CCDC62: variants seen among roughly 807,000 people sequenced by gnomAD.
CCDC62 encodes coiled-coil domain-containing protein 62.
Under a neutral mutation model 80.8 loss-of-function variants are expected in CCDC62, and 72 were observed. The ratio of observed to expected loss-of-function variants is 0.89; its 90% CI spans 0.74 to 1.08. The LOEUF (loss-of-function observed/expected upper bound fraction) is 1.08, where lower values mean the gene tolerates loss of function less well. Among genes scored for constraint, CCDC62 ranks in the 50% least tolerant of loss-of-function variants. The pLI, the probability that CCDC62 is intolerant of heterozygous loss-of-function variation, is 0.00. For missense variants in CCDC62, 704 were observed against 809.4 expected, an observed-to-expected ratio of 0.87 and a Z score of 1.58; for synonymous variants, 286 against 296.5, an observed-to-expected ratio of 0.96 and a Z score of 0.36.
At chr12:122,820,015 T>C (rs1392079180) in intron 11 of CCDC62, among the ~76,000 whole-genome samples, 2 of 129,420 alleles carry the variant, frequency 1.5e-5, no homozygotes, top group Admixed American at 1.0e-4. Context: ...TGAGCTGTGA[T>C]TGAGCAACTG....
intron 8 of CCDC62, among the ~76,000 whole-genome samples, chr12:122,800,491 G>A (rs780628566): frequency 1.3e-5 from 2 of 148,242 alleles, no homozygotes; most frequent in Non-Finnish European, 3.0e-5. Context: ...CCAATGGCGC[G>A]ATCTCAGCTC....
At chr12:122,801,090 T>C (rs748782462) in intron 8 of CCDC62, 34 bp from the exon 9 acceptor site, 2 of 1,575,724 alleles carry the variant, frequency 1.3e-6, no homozygotes, top group Admixed American at 3.8e-5. Flanking sequence ...AAGTATATCT[T>C]ATAACCTCCA....
Position 122,813,294 on chromosome 12 carries a change from G to T in CCDC62, c.1876G>T (p.Asp626Tyr), listed in dbSNP as rs2032021407. The T allele has an allele frequency of 6.2e-7, 1 of 1,612,970 alleles. No individual in the cohort carries two copies. Among genetic ancestry groups the T allele is most frequent in the Non-Finnish European group, 8.5e-7 (1 of 1,179,496 alleles). ...EKASIVLPSQ[D>Y]DFSPTSKLQR... ...GGCTTCAATTGTGTTACCCTCCCAG[G>T]ATGATTTCTCGCCCACGAGCAAGCT... Residue 626 changes from aspartate (D) to tyrosine (Y), a missense_variant, in exon 11 of 13, where the codon GAT becomes TAT. Transcript: ENST00000253079.
At chr12:122,812,125 A>C (rs907257799) in intron 10 of CCDC62, among the ~76,000 whole-genome samples, 3 of 152,104 alleles carry the variant, frequency 2.0e-5, no homozygotes, top group Admixed American at 2.0e-4. Flanking sequence ...GTTTAAGTCA[A>C]ATTATTTAAC....
chr12:122,816,405 A>G (rs2032164919), intron 11 of CCDC62, among the ~76,000 whole-genome samples: 1 of 152,166 alleles, frequency 6.6e-6, no homozygotes, highest in Admixed American at 6.6e-5. Context: ...ATTCTTTGGC[A>G]GCTATTTCTT....
At chr12:122,807,549 G>T (rs1348715559) in intron 10 of CCDC62, among the ~76,000 whole-genome samples, 1 of 100,158 alleles carries the variant, frequency 1.0e-5, no homozygotes, top group African/African-American at 3.3e-5. Flanking sequence ...AAAAAAAAAA[G>T]GTAAACATCT....
chr12:122,798,266 C>T, intron 8 of CCDC62, 66 bp downstream of exon 8: 1 of 829,364 alleles, frequency 1.2e-6, no homozygotes, highest in Non-Finnish European at 2.1e-6. Flanking sequence ...ATTTACTGCG[C>T]ACTTACTGTT....
At chr12:122,820,426 C>T (rs1004446220) in intron 11 of CCDC62, among the ~76,000 whole-genome samples, 2 of 152,176 alleles carry the variant, frequency 1.3e-5, no homozygotes, top group South Asian at 2.1e-4. Flanking sequence ...TGGGCCTGGC[C>T]GTCCTGATTG....
chr12:122,800,260 A>G (rs1338678296), intron 8 of CCDC62, among the ~76,000 whole-genome samples: 4 of 139,948 alleles, frequency 2.9e-5, no homozygotes, highest in South Asian at 2.2e-4. Flanking sequence ...TCTAGGAGGT[A>G]CTAGATGAGT....
At position 122,797,298 on chromosome 12, in the gene CCDC62, C is replaced by T; in HGVS notation, c.773-9C>T. 7.3e-7 allele frequency: 1 copy of T among 1,377,776 alleles called. No homozygotes were observed. The highest frequency in any genetic ancestry group is 1.2e-5 in the South Asian group (1 of 85,904). 85.3% of individuals were successfully genotyped at this position (1,377,776 alleles called of 1,614,324 possible). A position where few individuals can be genotyped will look rare whatever the true frequency, so the allele number is the denominator to read the frequency against. Reference sequence around the variant, plus strand: ...ATGAAAAATGTTAATAATACTTGTTCTTAAATAGTAGAGAGAGAAAAGAGG... The same window carrying T: ...ATGAAAAATGTTAATAATACTTGTTTTTAAATAGTAGAGAGAGAAAAGAGG... On this transcript the variant is annotated splice_polypyrimidine_tract_variant and intron_variant, in intron 6 of 12. Transcript: ENST00000253079.
At chr12:122,820,512 C>T (rs1405144185) in intron 11 of CCDC62, among the ~76,000 whole-genome samples, 1 of 152,072 alleles carries the variant, frequency 6.6e-6, no homozygotes, top group East Asian at 1.9e-4. Flanking sequence ...CCTGCAGATC[C>T]CTTTCAGAAT....
At chr12:122,822,060 AAC>A (rs58108370) in intron 11 of CCDC62, among the ~76,000 whole-genome samples, 1,489 of 115,820 alleles carry the variant, frequency 0.013, 20 homozygotes, top group Middle Eastern at 0.064. Context: ...TATAAATTTA[AAC>A]ACACACACAC....
At chr12:122,775,109 A>T (rs1222824679) in intron 1 of CCDC62, among the ~76,000 whole-genome samples, 1 of 150,992 alleles carries the variant, frequency 6.6e-6, no homozygotes, top group Non-Finnish European at 1.5e-5. Context: ...AAAAAAAAAA[A>T]AAAAAAAGTG....
At chr12:122,826,226 G>A (rs2032626465) in intron 12 of CCDC62, among the ~76,000 whole-genome samples, 196 bp from the exon 13 acceptor site, 1 of 151,912 alleles carries the variant, frequency 6.6e-6, no homozygotes, top group Admixed American at 6.6e-5. Flanking sequence ...GAGCAGCGCC[G>A]TCCCCGCCCC....
Position 122,781,338 on chromosome 12 carries a change from T to G in CCDC62, c.396+8T>G. On this transcript the variant is annotated splice_region_variant and intron_variant, in intron 3 of 12. Coordinates refer to ENST00000253079, the MANE Select transcript of CCDC62 (RefSeq NM_201435.5). ...CTCTCTGAAGACCTTGAGGTTGGGA[T>G]TAGTTTTTGATAAGCTTCACTAGTC... is the stretch of plus-strand genomic sequence containing the variant. 6.2e-7 allele frequency: 1 copy of G among 1,611,494 alleles called. No homozygotes were observed. The highest frequency in any genetic ancestry group is 8.5e-7 in the Non-Finnish European group (1 of 1,179,020).
At chr12:122,795,432 CT>C (rs143371284) in intron 6 of CCDC62, among the ~76,000 whole-genome samples, 1,561 of 142,206 alleles carry the variant, frequency 0.011, 21 homozygotes, top group African/African-American at 0.037. Flanking sequence ...AAATGCAGTT[CT>C]TTTTTTTTTT....
intron 9 of CCDC62, among the ~76,000 whole-genome samples, chr12:122,803,173 G>A (rs1439811915): frequency 6.6e-6 from 1 of 152,148 alleles, no homozygotes; most frequent in East Asian, 1.9e-4. Flanking sequence ...GCATCTCTCA[G>A]CTCTTATCCA....
intron 10 of CCDC62, among the ~76,000 whole-genome samples, chr12:122,810,265 A>G (rs2031812695): frequency 6.6e-6 from 1 of 152,148 alleles, no homozygotes; most frequent in African/African-American, 2.4e-5. Context: ...TTTGCAATCT[A>G]TTCATCTGAC....
intron 11 of CCDC62, among the ~76,000 whole-genome samples, chr12:122,816,844 C>T (rs184874133): frequency 3.9e-5 from 6 of 152,008 alleles, no homozygotes; most frequent in East Asian, 3.9e-4. Context: ...CAGCCACTAC[C>T]GCTATCTAAT....
Sources: allele counts gnomAD v4.1 joint callset (sites outside exome capture counted in the v4.1 genomes callset), GRCh38; gene constraint gnomAD v4.1.1; transcripts MANE v1.5; gene names NCBI Gene and HGNC (gene_info 2026-07-23, HGNC 2026-07-21).